HS6ST3: variants seen among roughly 807,000 people sequenced by gnomAD.
HS6ST3 encodes the protein heparan-sulfate 6-O-sulfotransferase 3.
A neutral mutation model predicts 36.7 loss-of-function variants in HS6ST3; 12 were observed. That is an observed-to-expected ratio of 0.33 (90% CI 0.21 to 0.53). The LOEUF is 0.53. Ranked by LOEUF, HS6ST3 falls within the 20% of genes least tolerant of loss-of-function variation. The pLI is 0.95. For missense variants in HS6ST3, 584 were observed against 640.9 expected, an observed-to-expected ratio of 0.91 and a Z score of 0.96; for synonymous variants, 240 against 257.5, an observed-to-expected ratio of 0.93 and a Z score of 0.65.
intron 1 of HS6ST3, among the ~76,000 whole-genome samples, chr13:96,796,176 G>A (rs944604508): frequency 1.3e-5 from 2 of 152,016 alleles, no homozygotes; most frequent in African/African-American, 4.8e-5. Context: ...ATCAATCACT[G>A]AAAATGAAAT....
chr13:96,545,192 G>T (rs2056193200), intron 1 of HS6ST3, among the ~76,000 whole-genome samples: 1 of 152,126 alleles, frequency 6.6e-6, no homozygotes, highest in Non-Finnish European at 1.5e-5. Flanking sequence ...TTTTGAGTCA[G>T]TGTTTGCTTA....
At chr13:96,592,318 G>C (rs1248137668) in intron 1 of HS6ST3, among the ~76,000 whole-genome samples, 2 of 151,934 alleles carry the variant, frequency 1.3e-5, no homozygotes, top group Non-Finnish European at 2.9e-5. Flanking sequence ...CCCTTCTCTT[G>C]CTTTTTAACT....
intron 1 of HS6ST3, among the ~76,000 whole-genome samples, chr13:96,358,920 A>C (rs1225901578): frequency 9.5e-4 from 140 of 146,862 alleles, no homozygotes; most frequent in African/African-American, 3.3e-3. Context: ...ATCTATCTAG[A>C]GAGAGATGAC....
chr13:96,413,398 T>C (rs1269784063), intron 1 of HS6ST3, among the ~76,000 whole-genome samples: 3 of 152,122 alleles, frequency 2.0e-5, no homozygotes, highest in Non-Finnish European at 4.4e-5. Context: ...GGAAAATAAC[T>C]AGTACAGTTT....
At chr13:96,423,576 G>A (rs1018610988) in intron 1 of HS6ST3, among the ~76,000 whole-genome samples, 7 of 151,454 alleles carry the variant, frequency 4.6e-5, no homozygotes, top group Non-Finnish European at 8.8e-5. Flanking sequence ...CAGCCATTTC[G>A]ATTTTTTCAG....
At chr13:96,158,565 A>C (rs944740409) in intron 1 of HS6ST3, among the ~76,000 whole-genome samples, 1 of 148,648 alleles carries the variant, frequency 6.7e-6, no homozygotes, top group Non-Finnish European at 1.5e-5. Flanking sequence ...AGGCAGGGGA[A>C]TCACCTGAAC....
At chr13:96,133,546 C>T (rs1333748156) in intron 1 of HS6ST3, among the ~76,000 whole-genome samples, 6 of 152,148 alleles carry the variant, frequency 3.9e-5, no homozygotes, top group Non-Finnish European at 7.3e-5. Flanking sequence ...CCACAGCCGC[C>T]AGAGTAGGTG....
chr13:96,743,941 G>A (rs565965833), intron 1 of HS6ST3, among the ~76,000 whole-genome samples: 2 of 151,986 alleles, frequency 1.3e-5, no homozygotes, highest in Admixed American at 1.3e-4. Context: ...GGCCAAGCTC[G>A]TGCTTTTTTC....
At chr13:96,218,350 G>A (rs1168104074) in intron 1 of HS6ST3, among the ~76,000 whole-genome samples, 2 of 152,160 alleles carry the variant, frequency 1.3e-5, no homozygotes, top group African/African-American at 4.8e-5. Flanking sequence ...GTGGGAAGCT[G>A]GGGGGCAAGG....
At chr13:96,712,014 G>T (rs542583340) in intron 1 of HS6ST3, among the ~76,000 whole-genome samples, 229 of 152,282 alleles carry the variant, frequency 1.5e-3, no homozygotes, top group South Asian at 7.7e-3. Context: ...TGCCCCAGTG[G>T]AATATAAAAT....
At chr13:96,480,797 A>G (rs1409834852) in intron 1 of HS6ST3, among the ~76,000 whole-genome samples, 1 of 152,172 alleles carries the variant, frequency 6.6e-6, no homozygotes, top group Non-Finnish European at 1.5e-5. Context: ...ACTCCCCAGC[A>G]ATCCACAGTC....
chr13:96,679,819 A>C (rs1352698818), intron 1 of HS6ST3, among the ~76,000 whole-genome samples: 1 of 152,144 alleles, frequency 6.6e-6, no homozygotes, highest in Admixed American at 6.6e-5. Flanking sequence ...TAAACATTTA[A>C]GGATATGGTA....
At chr13:96,824,718 A>G (rs1449524798) in intron 1 of HS6ST3, among the ~76,000 whole-genome samples, 3 of 152,196 alleles carry the variant, frequency 2.0e-5, no homozygotes, top group Non-Finnish European at 4.4e-5. Context: ...CACTTTTTTA[A>G]AATGCACACA....
At chr13:96,303,197 T>C (rs1168710783) in intron 1 of HS6ST3, among the ~76,000 whole-genome samples, 2 of 152,232 alleles carry the variant, frequency 1.3e-5, no homozygotes, top group East Asian at 3.8e-4. Flanking sequence ...GAAATGTTGA[T>C]GCCTAAACTT....
chr13:96,206,638 ACT>A (rs2054371876), intron 1 of HS6ST3, among the ~76,000 whole-genome samples: 1 of 152,132 alleles, frequency 6.6e-6, no homozygotes, highest in African/African-American at 2.4e-5. Flanking sequence ...AGAATAGATA[ACT>A]CAGAAATAAG....
chr13:96,446,992 T>G (rs1332782848), intron 1 of HS6ST3, among the ~76,000 whole-genome samples: 1 of 152,170 alleles, frequency 6.6e-6, no homozygotes, highest in Non-Finnish European at 1.5e-5. Flanking sequence ...TCTACCTTTT[T>G]AATCTCCAAC....
chr13:96,733,470 C>G (rs966131456), intron 1 of HS6ST3, among the ~76,000 whole-genome samples: 1 of 152,094 alleles, frequency 6.6e-6, no homozygotes, highest in Admixed American at 6.5e-5. Context: ...GCCATGTTCT[C>G]CAGTCATTTT....
At chr13:96,613,957 C>T (rs2056464567) in intron 1 of HS6ST3, among the ~76,000 whole-genome samples, 1 of 152,120 alleles carries the variant, frequency 6.6e-6, no homozygotes, top group African/African-American at 2.4e-5. Flanking sequence ...GGTATCCCTC[C>T]ATCTGAGGAG....
At chr13:96,499,777 G>A (rs1224594310) in intron 1 of HS6ST3, among the ~76,000 whole-genome samples, 3 of 152,158 alleles carry the variant, frequency 2.0e-5, no homozygotes, top group Non-Finnish European at 4.4e-5. Flanking sequence ...GAGAAGCAGA[G>A]GGAGATGAGG....
Sources: allele counts gnomAD v4.1 joint callset (sites outside exome capture counted in the v4.1 genomes callset), GRCh38; gene constraint gnomAD v4.1.1; transcripts MANE v1.5; gene names NCBI Gene and HGNC (gene_info 2026-07-23, HGNC 2026-07-21).